The following ADCY1 variants were observed in gnomAD, a reference collection of about 807,000 sequenced individuals.
The protein encoded by ADCY1 is adenylate cyclase type 1.
In ADCY1, 28 loss-of-function variants were observed where a neutral mutation model predicts 105.4. That is an observed-to-expected ratio of 0.27 (90% CI 0.20 to 0.36). The LOEUF is 0.36. Among genes scored for constraint, ADCY1 ranks in the 10% least tolerant of loss-of-function variants. ADCY1 has a pLI of 1.00. For synonymous variants in ADCY1, 655 were observed against 623.8 expected (o/e 1.05, Z -0.75); for missense variants, 977 against 1,434.2 (o/e 0.68, Z 5.15).
chr7:45,684,077 GTGTT>G, intron 11 of ADCY1, among the ~76,000 whole-genome samples: 1 of 152,382 alleles, frequency 6.6e-6, no homozygotes, highest in South Asian at 2.1e-4. Context: ...GGTCAGTAAA[GTGTT>G]TGAGCCTCAC....
rs1487687671 is a variant in ADCY1 at position 45,591,805 on chromosome 7, C to T, written c.640-954C>T. On this transcript the variant is annotated intron_variant, in intron 1 of 19. Coordinates refer to ENST00000297323, the MANE Select transcript of ADCY1 (RefSeq NM_021116.4). The surrounding 1 kb of genome is among the most constrained non-coding windows in gnomAD (Gnocchi z 4.1). Reference sequence around the variant, plus strand: ...TGGGAAGTGATTGTGGAGGGGAACCCTGGGTCAGGCTGGCCCCAGGTGCCT... The same window carrying T: ...TGGGAAGTGATTGTGGAGGGGAACCTTGGGTCAGGCTGGCCCCAGGTGCCT... Among the ~76,000 whole-genome samples the T allele has an allele frequency of 2.0e-5, 3 of 152,214 alleles. No individual in the cohort carries two copies. Among genetic ancestry groups the T allele is most frequent in the Non-Finnish European group, 4.4e-5 (3 of 68,028 alleles).
At chr7:45,635,008 A>G (rs1218001359) in intron 4 of ADCY1, among the ~76,000 whole-genome samples, 4 of 152,180 alleles carry the variant, frequency 2.6e-5, no homozygotes, top group Non-Finnish European at 5.9e-5. Flanking sequence ...TAGTTTTTGT[A>G]GAAATGGTAT....
At chr7:45,656,656 G>T (rs1216093989) in intron 5 of ADCY1, among the ~76,000 whole-genome samples, 1 of 152,206 alleles carries the variant, frequency 6.6e-6, no homozygotes, top group Non-Finnish European at 1.5e-5. Context: ...AGGCCACAGT[G>T]GGAAGTTGGG....
rs1216028834 is a variant in ADCY1, at chr7:45,592,602, GC to G, written c.640-154del. Among the ~76,000 whole-genome samples the G allele has an allele frequency of 4.6e-5, 7 of 152,170 alleles. No homozygotes were observed. In the East Asian group the frequency reaches 1.2e-3, roughly 25 times the overall value. ...CCGGACAGGGTGAGGACGAGCTCCTGCCCGGCTGACTCCCTGTGTCCCTGGC... is the reference window on the plus strand; with the variant it reads ...CCGGACAGGGTGAGGACGAGCTCCTGCCGGCTGACTCCCTGTGTCCCTGGC... On this transcript the variant is annotated intron_variant, in intron 1 of 19. Coordinates refer to ENST00000297323, the MANE Select transcript of ADCY1 (RefSeq NM_021116.4).
chr7:45,681,682 C>T (rs564560118), intron 11 of ADCY1, among the ~76,000 whole-genome samples: 4 of 152,162 alleles, frequency 2.6e-5, no homozygotes, highest in Admixed American at 6.5e-5. Context: ...GGCTCTGCAC[C>T]GGGCTCTGAG....
At position 45,592,868 on chromosome 7, in the gene ADCY1, T is replaced by C. The variant is rs1462377116; in HGVS notation, c.749T>C (p.Ile250Thr). The part of the protein sequence containing the change: ...RKAFLQARSC[I>T]EDRLRLEDEN... ...GCGTTCCTGCAGGCCCGGAGCTGCA[T>C]TGAGGACCGACTGAGGCTGGAGGAT... The change falls in exon 2 of 20, where the codon ATT (isoleucine) becomes ACT (threonine). Residue 250 changes from isoleucine (I) to threonine (T), a missense_variant. Around this residue, in one of 7 missense-constraint regions of ADCY1, gnomAD observed 196 missense variants for 347.8 expected, o/e 0.56. Transcript: ENST00000297323. 3.7e-6 allele frequency: 6 copies of C among 1,614,022 alleles called. No individual in the cohort carries two copies. The highest frequency in any genetic ancestry group is 4.5e-5 in the East Asian group (2 of 44,884).
chr7:45,694,115 T>TAAAA (rs140981457), intron 14 of ADCY1, among the ~76,000 whole-genome samples: 118 of 114,968 alleles, frequency 1.0e-3, no homozygotes, highest in Non-Finnish European at 1.5e-3. Flanking sequence ...TAGAGTATAA[T>TAAAA]AAAAAAAAAA....
Position 45,575,299 on chromosome 7 carries a change from C to G in ADCY1, c.639+117C>G, listed in dbSNP as rs1792301532. 5.3e-5 allele frequency: 69 copies of G among 1,307,160 alleles called. No individual in the cohort carries two copies. The highest frequency in any genetic ancestry group is 6.9e-5 in the Non-Finnish European group (68 of 978,418). The allele number at this position is 1,307,160 out of a possible 1,614,324, so 81.0% of individuals were successfully genotyped here. A position where few individuals can be genotyped will look rare whatever the true frequency, so the allele number is the denominator to read the frequency against. On this transcript the variant is annotated intron_variant, in intron 1 of 19. Coordinates refer to ENST00000297323, the MANE Select transcript of ADCY1 (RefSeq NM_021116.4). This position sits in a 1 kb window ranked among gnomAD's most constrained non-coding sequence, Gnocchi z 4.7. ...GCGGCGGGTGGGGACACTGAGGCTCCGAGTGGGGGTGTGTTCAAGGTCACT... is the reference window on the plus strand; with the variant it reads ...GCGGCGGGTGGGGACACTGAGGCTCGGAGTGGGGGTGTGTTCAAGGTCACT...
intron 1 of ADCY1, among the ~76,000 whole-genome samples, chr7:45,583,173 G>T (rs923525461): frequency 6.6e-6 from 1 of 152,356 alleles, no homozygotes; most frequent in East Asian, 1.9e-4. Context: ...CATCGTGTGT[G>T]GATGTGCATG....
intron 1 of ADCY1, among the ~76,000 whole-genome samples, chr7:45,587,718 C>G (rs965949351): frequency 6.6e-6 from 1 of 152,132 alleles, no homozygotes; most frequent in Non-Finnish European, 1.5e-5. Flanking sequence ...ATGAGGGATG[C>G]TAGTCCAGTG....
In ADCY1 at chr7:45,714,109, GC is replaced by G; in HGVS notation, c.*116del. 4.9e-6 allele frequency: 3 copies of G among 615,278 alleles called. No individual in the cohort carries two copies. In the East Asian group the frequency reaches 8.2e-5, roughly 17 times the overall value. 38.1% of individuals were successfully genotyped at this position (615,278 alleles called of 1,614,324 possible). ...AGACCAGCAGAGCAGGGAGCCACTT[GC>G]CAGGGTGGAGGAGGAGCATTGTCCA... is the stretch of plus-strand genomic sequence containing the variant. On this transcript the variant is annotated 3_prime_UTR_variant, in exon 20 of 20. Transcript: ENST00000297323.
Position 45,678,145 on chromosome 7 carries a change from AT to A in ADCY1, c.1801-19del. 6.2e-7 allele frequency: 1 copy of A among 1,614,038 alleles called. No homozygotes were observed. The highest frequency in any genetic ancestry group is 8.5e-7 in the Non-Finnish European group (1 of 1,179,940). On this transcript the variant is annotated intron_variant, in intron 9 of 19. Transcript: ENST00000297323. Reference sequence around the variant, plus strand: ...TGGAGGAAGCCCTCAGCCCTGATGGATTGACTTCTCTCTTACACAGTACCAC... The same window carrying A: ...TGGAGGAAGCCCTCAGCCCTGATGGATGACTTCTCTCTTACACAGTACCAC...
Position 45,648,634 on chromosome 7 carries a change from G to A in ADCY1, c.1021-36G>A, listed in dbSNP as rs3735672. The A allele has an allele frequency of 0.052, 83,498 of 1,613,126 alleles. 3,368 individuals are homozygous for A. The highest frequency in any genetic ancestry group is 0.18 in the East Asian group (8,068 of 44,840). ...CAGTGGCGCTCACAGCCTCTGTAGCGCTGTCTCTTACCATGTGCCTTGCCC... is the reference window on the plus strand; with the variant it reads ...CAGTGGCGCTCACAGCCTCTGTAGCACTGTCTCTTACCATGTGCCTTGCCC... On this transcript the variant is annotated intron_variant, in intron 4 of 19. Coordinates refer to ENST00000297323, the MANE Select transcript of ADCY1 (RefSeq NM_021116.4).
Position 45,686,560 on chromosome 7 carries a change from T to C in ADCY1, c.2341T>C (p.Ser781Pro), listed in dbSNP as rs1438822347. The part of the protein sequence containing the change: ...GYTRTGGGAV[S>P]GRSYEPIVAI... The stretch of plus-strand genomic sequence containing the variant: ...ATCTTCCCCCAGGGGTGGTGCCGTC[T>C]CCGGGCGCAGCTACGAGCCGATTGT... The change falls in exon 14 of 20, where the codon TCC becomes CCC. Residue 781 changes from serine (S) to proline (P), a missense_variant. Physicochemically the swap from Ser to Pro is moderately conservative, Grantham distance 74. Coordinates refer to ENST00000297323, the MANE Select transcript of ADCY1 (RefSeq NM_021116.4). The surrounding 1 kb of genome is among the most constrained non-coding windows in gnomAD (Gnocchi z 4.3). 6.2e-7 allele frequency: 1 copy of C among 1,611,512 alleles called. No individual in the cohort carries two copies. The highest frequency in any genetic ancestry group is 8.5e-7 in the Non-Finnish European group (1 of 1,178,392).
At chr7:45,706,492 CAAAAA>C (rs58794109) in intron 17 of ADCY1, among the ~76,000 whole-genome samples, 32 of 59,458 alleles carry the variant, frequency 5.4e-4, no homozygotes, top group South Asian at 4.5e-3. Context: ...ACATCACATG[CAAAAA>C]AAAAAAAAAA....
intron 1 of ADCY1, among the ~76,000 whole-genome samples, chr7:45,578,685 A>C (rs1273090445): frequency 6.6e-6 from 1 of 152,210 alleles, no homozygotes; most frequent in Admixed American, 6.5e-5. Flanking sequence ...GCAGGGCCCC[A>C]GTCCTTCCCA....
At chr7:45,698,072 T>G (rs1344822718) in intron 14 of ADCY1, among the ~76,000 whole-genome samples, 1 of 152,124 alleles carries the variant, frequency 6.6e-6, no homozygotes, top group East Asian at 1.9e-4. Flanking sequence ...GCCTTTTTAT[T>G]TCTTGGAAAG....
intron 5 of ADCY1, among the ~76,000 whole-genome samples, chr7:45,656,178 C>T (rs1394699812): frequency 6.6e-6 from 1 of 151,876 alleles, no homozygotes; most frequent in Non-Finnish European, 1.5e-5. Context: ...TGGTGGGCGC[C>T]TGTAGTCCCA....
At chr7:45,626,502 G>T (rs1170096879) in intron 4 of ADCY1, among the ~76,000 whole-genome samples, 2 of 152,158 alleles carry the variant, frequency 1.3e-5, no homozygotes, top group Non-Finnish European at 1.5e-5. Flanking sequence ...CAGAGGTTAG[G>T]ATATCATTAC....
Sources: gnomAD v4.1 joint callset for allele counts (sites outside exome capture counted in the v4.1 genomes callset) on GRCh38, gnomAD v4.1.1 for gene constraint, gnomAD v4.1.1 regional missense constraint, Gnocchi (gnomAD v3.1) non-coding constraint, MANE v1.5 for transcripts, NCBI Gene and HGNC (gene_info 2026-07-23, HGNC 2026-07-21) for gene names.